The following BOC variants were observed in gnomAD, a reference collection of about 807,000 sequenced individuals.
The protein encoded by BOC is BOC cell adhesion associated, oncogene regulated.
In BOC, 76 loss-of-function variants were observed where a neutral mutation model predicts 112.0. The observed-to-expected ratio is 0.68, with a 90% CI of 0.56 to 0.82. BOC has a LOEUF of 0.82. Among genes scored for constraint, BOC ranks in the 40% least tolerant of loss-of-function variants. BOC has a pLI of 0.00. For synonymous variants in BOC, 580 were observed against 599.8 expected (o/e 0.97, Z 0.48); for missense variants, 1,309 against 1,511.7 (o/e 0.87, Z 2.22).
intron 1 of BOC, among the ~76,000 whole-genome samples, chr3:113,215,945 G>A (rs932684866): frequency 7.9e-5 from 12 of 152,280 alleles, no homozygotes; most frequent in African/African-American, 2.6e-4. Context: ...GAACATAAAG[G>A]TAATGGTTTT....
intron 4 of BOC, among the ~76,000 whole-genome samples, chr3:113,260,912 C>G (rs9869371): frequency 0.027 from 4,068 of 152,226 alleles, 60 homozygotes; most frequent in Middle Eastern, 0.065. Context: ...CCATCCCCCC[C>G]AGTCTCCCCA....
chr3:113,220,412 T>C (rs550121974), intron 2 of BOC, among the ~76,000 whole-genome samples: 2 of 152,192 alleles, frequency 1.3e-5, no homozygotes, highest in South Asian at 4.1e-4. Flanking sequence ...GCTACTTGGG[T>C]AATGGAAATG....
chr3:113,251,682 C>T (rs1450419493), intron 4 of BOC: 1 of 152,138 alleles, frequency 6.6e-6, no homozygotes, highest in Admixed American at 6.5e-5. Flanking sequence ...CATGTGGAAA[C>T]CAAGGGCCAA....
chr3:113,241,938 A>G (rs1944358230), intron 2 of BOC, among the ~76,000 whole-genome samples: 1 of 151,958 alleles, frequency 6.6e-6, no homozygotes, highest in Non-Finnish European at 1.5e-5. Context: ...AGGAGGCTGG[A>G]GGCAGGGTGG....
intron 2 of BOC, among the ~76,000 whole-genome samples, chr3:113,233,892 A>T (rs773349685): frequency 1.3e-5 from 2 of 151,386 alleles, no homozygotes; most frequent in African/African-American, 4.9e-5. Flanking sequence ...CCCAAACCAA[A>T]TCCCTAAGGG....
chr3:113,260,655 A>G lies in BOC; in HGVS notation c.377-7644A>G, dbSNP rs191134338. ...CAGATCAGCAGTGGCATTAGATTCT[A>G]TTAGAATAGAATAGAACAGAACAGA... On this transcript the variant is annotated intron_variant, in intron 4 of 19. Coordinates refer to ENST00000682979, the MANE Select transcript of BOC (RefSeq NM_001378074.1). Among the ~76,000 whole-genome samples the G allele has an allele frequency of 3.1e-5, 4 of 128,766 alleles. No individual in the cohort carries two copies. In the East Asian group the frequency reaches 8.5e-4, roughly 27 times the overall value. 84.5% of individuals were successfully genotyped at this position (128,766 alleles called of 152,430 possible).
chr3:113,240,352 A>C (rs1944130533), intron 2 of BOC, among the ~76,000 whole-genome samples: 1 of 152,168 alleles, frequency 6.6e-6, no homozygotes, highest in South Asian at 2.1e-4. Flanking sequence ...AACAAAGGAC[A>C]CCTGTGAGAT....
chr3:113,237,742 T>C (rs887676861), intron 2 of BOC, among the ~76,000 whole-genome samples: 4 of 152,074 alleles, frequency 2.6e-5, no homozygotes, highest in African/African-American at 9.7e-5. Flanking sequence ...TATAGTCCTT[T>C]CCCCCCAGGA....
Position 113,250,745 on chromosome 3 carries a change from TAAC to T in BOC, c.292_294del (p.Asn98del). The stretch of plus-strand genomic sequence containing the variant: ...ACGGGACCCTCGTCATCACTGCCCT[TAAC>T]AACCACACTGTGGGACGGTACCAGT... On this transcript the variant is annotated inframe_deletion, in exon 4 of 20. Transcript: ENST00000682979. 6.2e-7 allele frequency: 1 copy of T among 1,614,082 alleles called. No homozygotes were observed. Among genetic ancestry groups the T allele is most frequent in the Non-Finnish European group, 8.5e-7 (1 of 1,180,008 alleles).
At chr3:113,227,567 C>T (rs1334941726) in intron 2 of BOC, among the ~76,000 whole-genome samples, 1 of 152,126 alleles carries the variant, frequency 6.6e-6, no homozygotes, top group Non-Finnish European at 1.5e-5. Context: ...CTTGCAGAAC[C>T]CTCTTTTCCA....
At chr3:113,284,078 C>T (rs1011248756) in intron 16 of BOC, among the ~76,000 whole-genome samples, 9 of 152,082 alleles carry the variant, frequency 5.9e-5, no homozygotes, top group East Asian at 3.9e-4. Context: ...TTTCACTCAC[C>T]GCCTCCTGCC....
intron 4 of BOC, among the ~76,000 whole-genome samples, chr3:113,265,855 C>T (rs1947423123): frequency 6.6e-6 from 1 of 152,236 alleles, no homozygotes; most frequent in African/African-American, 2.4e-5. Context: ...GCAGGTTGCA[C>T]ACCCATCAAG....
intron 4 of BOC, among the ~76,000 whole-genome samples, chr3:113,256,104 A>G (rs1248162542): frequency 6.6e-6 from 1 of 152,140 alleles, no homozygotes; most frequent in Non-Finnish European, 1.5e-5. Flanking sequence ...CATTTTAGAA[A>G]TCCCAGGCTT....
intron 2 of BOC, 54 bp from the exon 3 acceptor site, chr3:113,249,668 G>A: frequency 1.5e-6 from 1 of 667,638 alleles, no homozygotes. Context: ...CACCACAGGT[G>A]CACCCCAGGC....
chr3:113,245,321 T>C (rs1337174594), intron 2 of BOC, among the ~76,000 whole-genome samples: 1 of 152,174 alleles, frequency 6.6e-6, no homozygotes, highest in Admixed American at 6.5e-5. Flanking sequence ...GTGCCTGTCA[T>C]AGCTCACTAC....
At chr3:113,277,034 CCTTA>C (rs1948740157) in intron 9 of BOC, among the ~76,000 whole-genome samples, 1 of 152,146 alleles carries the variant, frequency 6.6e-6, no homozygotes, top group Non-Finnish European at 1.5e-5. Context: ...CCTGGAGCTC[CCTTA>C]CTTTTTCCTT....
chr3:113,263,587 T>TAACTGAGACCCAA (rs1437712900), intron 4 of BOC, among the ~76,000 whole-genome samples: 1 of 152,218 alleles, frequency 6.6e-6, no homozygotes. Context: ...CTGGGGCATT[T>TAACTGAGACCCAA]AACTGAGACC....
At chr3:113,235,440 T>C (rs1943297160) in intron 2 of BOC, among the ~76,000 whole-genome samples, 1 of 152,106 alleles carries the variant, frequency 6.6e-6, no homozygotes, top group Non-Finnish European at 1.5e-5. Flanking sequence ...TAGGGGTATG[T>C]TTTCCTTTAT....
intron 2 of BOC, among the ~76,000 whole-genome samples, chr3:113,242,307 C>T (rs1944411109): frequency 6.6e-6 from 1 of 152,114 alleles, no homozygotes; most frequent in Admixed American, 6.5e-5. Context: ...ACCCCCCACA[C>T]TGTGGGTAGA....
Sources: gnomAD v4.1 joint callset for allele counts (sites outside exome capture counted in the v4.1 genomes callset) on GRCh38, gnomAD v4.1.1 for gene constraint, MANE v1.5 for transcripts, NCBI Gene and HGNC (gene_info 2026-07-23, HGNC 2026-07-21) for gene names.